KIF6: variants seen among roughly 807,000 people sequenced by gnomAD.
KIF6 encodes kinesin family member 6, also known as kinesin-like protein KIF6.
Under a neutral mutation model 112.7 loss-of-function variants are expected in KIF6, and 106 were observed. The ratio of observed to expected loss-of-function variants is 0.94; its 90% CI spans 0.80 to 1.11. The LOEUF (loss-of-function observed/expected upper bound fraction) is 1.11. KIF6 is among the 50% of genes least tolerant of loss of function. KIF6 has a pLI of 0.00. For synonymous variants in KIF6, 339 were observed against 339.9 expected (o/e 1.00, Z 0.03); for missense variants, 929 against 964.0 (o/e 0.96, Z 0.48).
chr6:39,355,578 C>T (rs573484978), intron 19 of KIF6, among the ~76,000 whole-genome samples: 14 of 151,298 alleles, frequency 9.3e-5, no homozygotes, highest in African/African-American at 3.4e-4. Context: ...ATTCTCCTGC[C>T]TCAGCCTCCC....
At chr6:39,580,160 T>C (rs1781206812) in intron 9 of KIF6, among the ~76,000 whole-genome samples, 2 of 152,096 alleles carry the variant, frequency 1.3e-5, no homozygotes. Context: ...TTCCACTGAT[T>C]CCTTTCAATA....
intron 1 of KIF6, among the ~76,000 whole-genome samples, chr6:39,724,585 T>C (rs1790425590): frequency 6.6e-6 from 1 of 152,222 alleles, no homozygotes; most frequent in African/African-American, 2.4e-5. Context: ...TAGTTAATTG[T>C]TTCTGAATGA....
chr6:39,631,065 A>T (rs1379015279), intron 5 of KIF6, among the ~76,000 whole-genome samples: 1 of 152,056 alleles, frequency 6.6e-6, no homozygotes, highest in East Asian at 1.9e-4. Context: ...TTTTGAATAT[A>T]ATCTGCTAAT....
chr6:39,365,201 G>A (rs1324270270), intron 16 of KIF6, among the ~76,000 whole-genome samples: 1 of 152,106 alleles, frequency 6.6e-6, no homozygotes, highest in Non-Finnish European at 1.5e-5. Context: ...CATCTTCCAG[G>A]TGCCATTGAC....
chr6:39,708,110 A>G (rs1269397219), intron 3 of KIF6, among the ~76,000 whole-genome samples: 2 of 152,096 alleles, frequency 1.3e-5, no homozygotes, highest in Non-Finnish European at 2.9e-5. Flanking sequence ...GTGCTAGGCA[A>G]CCCACGGCAT....
rs114279991 is a variant in KIF6 at position 39,343,150 on chromosome 6, G to A, written c.2428+559C>T. ...CAGCTGCCAAGAGGACGGGGCTGGG[G>A]GTGGAGGGGGCAGTGATGCAGACCA... On this transcript the variant is annotated intron_variant, in intron 22 of 22. Coordinates refer to ENST00000287152, the MANE Select transcript of KIF6 (RefSeq NM_145027.6). The surrounding 1 kb of genome is among the most constrained non-coding windows in gnomAD (Gnocchi z 4.1). 1.5e-3 allele frequency: 1,455 copies of A among 985,332 alleles called. 22 individuals are homozygous for A. In the African/African-American group the frequency reaches 0.022, roughly 15 times the overall value. 61.0% of individuals were successfully genotyped at this position (985,332 alleles called of 1,614,324 possible). A position where few individuals can be genotyped will look rare whatever the true frequency, so the allele number is the denominator to read the frequency against.
chr6:39,715,122 G>C (rs1265814505), intron 2 of KIF6, among the ~76,000 whole-genome samples: 1 of 152,196 alleles, frequency 6.6e-6, no homozygotes, highest in Admixed American at 6.5e-5. Flanking sequence ...GGAAATCCAA[G>C]AACAGGATGT....
chr6:39,473,622 A>G (rs1774261227), intron 13 of KIF6, among the ~76,000 whole-genome samples: 1 of 152,218 alleles, frequency 6.6e-6, no homozygotes, highest in South Asian at 2.1e-4. Flanking sequence ...ACTTGGTTAG[A>G]ATGAAAAAGA....
chr6:39,463,948 C>T lies in KIF6; in HGVS notation c.1646-32787G>A, dbSNP rs549611708. 4.6e-5 allele frequency among the ~76,000 whole-genome samples: 7 copies of T among 152,290 alleles called. No homozygotes were observed. In the East Asian group the frequency reaches 7.7e-4, roughly 17 times the overall value. ...GTCTTTAAAATTTACCTCGGGTAATCTCCTATTGTCTCTTTCTTTATATTT... is the reference window on the plus strand; with the variant it reads ...GTCTTTAAAATTTACCTCGGGTAATTTCCTATTGTCTCTTTCTTTATATTT... On this transcript the variant is annotated intron_variant, in intron 13 of 22. Transcript: ENST00000287152.
chr6:39,625,083 A>T (rs1784021974), intron 5 of KIF6, among the ~76,000 whole-genome samples: 1 of 152,146 alleles, frequency 6.6e-6, no homozygotes, highest in African/African-American at 2.4e-5. Flanking sequence ...AACAGTCTGC[A>T]AGCCAGGAAG....
At chr6:39,510,355 G>A (rs1776699494) in intron 13 of KIF6, among the ~76,000 whole-genome samples, 1 of 152,118 alleles carries the variant, frequency 6.6e-6, no homozygotes, top group Non-Finnish European at 1.5e-5. Flanking sequence ...GCCTCCCAAA[G>A]TGCTGGGATT....
At chr6:39,399,593 T>C (rs1768535442) in intron 15 of KIF6, among the ~76,000 whole-genome samples, 1 of 152,242 alleles carries the variant, frequency 6.6e-6, no homozygotes, top group African/African-American at 2.4e-5. Context: ...AACAAACTGC[T>C]ATAAACTATC....
intron 19 of KIF6, among the ~76,000 whole-genome samples, chr6:39,347,818 G>A (rs1370664772): frequency 6.6e-6 from 1 of 152,238 alleles, no homozygotes; most frequent in Non-Finnish European, 1.5e-5. Context: ...TCAGCCAATG[G>A]CAAGGCTGCT....
At chr6:39,517,522 C>CT (rs1777153285) in intron 13 of KIF6, among the ~76,000 whole-genome samples, 1 of 152,132 alleles carries the variant, frequency 6.6e-6, no homozygotes, top group Non-Finnish European at 1.5e-5. Flanking sequence ...AAAATGGGAC[C>CT]TTAAGCAGTG....
intron 2 of KIF6, among the ~76,000 whole-genome samples, chr6:39,717,534 C>A (rs1789929740): frequency 6.6e-6 from 1 of 152,108 alleles, no homozygotes; most frequent in Non-Finnish European, 1.5e-5. Flanking sequence ...TCCTTCACCC[C>A]CCTCATCCAG....
intron 14 of KIF6, among the ~76,000 whole-genome samples, chr6:39,423,833 A>C (rs975883221): frequency 6.6e-6 from 1 of 152,104 alleles, no homozygotes; most frequent in African/African-American, 2.4e-5. Flanking sequence ...ACTTAGCTCC[A>C]ACTGCCTGAG....
intron 13 of KIF6, among the ~76,000 whole-genome samples, chr6:39,501,414 G>T (rs975255643): frequency 3.3e-5 from 5 of 152,188 alleles, no homozygotes; most frequent in Non-Finnish European, 5.9e-5. Flanking sequence ...AAGCCACAGT[G>T]CCCCTTTTCC....
intron 1 of KIF6, among the ~76,000 whole-genome samples, chr6:39,724,325 C>G (rs1790404919): frequency 6.6e-6 from 1 of 152,000 alleles, no homozygotes; most frequent in East Asian, 1.9e-4. Flanking sequence ...TGGTGGCGGG[C>G]ACCTGTAGTC....
At chr6:39,544,443 A>G in intron 12 of KIF6, 112 bp downstream of exon 12, 1 of 1,081,662 alleles carries the variant, frequency 9.2e-7, no homozygotes, top group Non-Finnish European at 1.3e-6. Context: ...GAAAGAAGCA[A>G]TGTGAAATGG....
Sources: allele counts gnomAD v4.1 joint callset (sites outside exome capture counted in the v4.1 genomes callset), GRCh38; gene constraint gnomAD v4.1.1; non-coding constraint Gnocchi (gnomAD v3.1); transcripts MANE v1.5; gene names NCBI Gene and HGNC (gene_info 2026-07-23, HGNC 2026-07-21).